CDH18: variants seen among roughly 807,000 people sequenced by gnomAD.
CDH18 encodes the protein cadherin 18.
In CDH18, 31 loss-of-function variants were observed where a neutral mutation model predicts 67.9. That is an observed-to-expected ratio of 0.46 (90% CI 0.34 to 0.62). The LOEUF (loss-of-function observed/expected upper bound fraction) is 0.62. CDH18 is among the 20% of genes least tolerant of loss of function. CDH18 has a pLI of 0.01. For missense variants in CDH18, 890 were observed against 975.5 expected, an observed-to-expected ratio of 0.91 and a Z score of 1.17; for synonymous variants, 362 against 347.2, an observed-to-expected ratio of 1.04 and a Z score of -0.48.
intron 2 of CDH18, among the ~76,000 whole-genome samples, chr5:19,924,633 A>G (rs1019540670): frequency 2.0e-5 from 3 of 152,032 alleles, no homozygotes; most frequent in African/African-American, 7.2e-5. Context: ...CTCAAAACTA[A>G]CAAACAAACA....
intron 2 of CDH18, among the ~76,000 whole-genome samples, chr5:20,036,710 G>A (rs1319289521): frequency 1.3e-5 from 2 of 152,024 alleles, no homozygotes; most frequent in East Asian, 3.9e-4. Flanking sequence ...ATTGACAGTG[G>A]AGTGTTAAAG....
chr5:20,006,158 C>T (rs1486327027), intron 2 of CDH18, among the ~76,000 whole-genome samples: 1 of 151,686 alleles, frequency 6.6e-6, no homozygotes, highest in Admixed American at 6.6e-5. Flanking sequence ...ACGGCATCAA[C>T]AGATAACAAC....
intron 2 of CDH18, among the ~76,000 whole-genome samples, chr5:20,103,365 T>C (rs1746635715): frequency 6.6e-6 from 1 of 152,132 alleles, no homozygotes. Flanking sequence ...CATTTGAGAT[T>C]GCATTTAAAA....
intron 1 of CDH18, among the ~76,000 whole-genome samples, chr5:20,439,268 A>T (rs1581000193): frequency 6.6e-6 from 1 of 151,680 alleles, no homozygotes; most frequent in African/African-American, 2.4e-5. Flanking sequence ...TTCACACTGA[A>T]TAGAAAAAAC....
intron 1 of CDH18, among the ~76,000 whole-genome samples, chr5:20,397,531 C>G (rs1240618224): frequency 2.0e-5 from 3 of 152,060 alleles, no homozygotes; most frequent in Non-Finnish European, 4.4e-5. Flanking sequence ...TTCTTATAAA[C>G]GTCTAGTCCT....
At chr5:20,107,646 G>C (rs1370120892) in intron 2 of CDH18, among the ~76,000 whole-genome samples, 1 of 152,120 alleles carries the variant, frequency 6.6e-6, no homozygotes. Flanking sequence ...AGTTGGCAAG[G>C]TTGCTTTCTC....
intron 2 of CDH18, among the ~76,000 whole-genome samples, chr5:20,033,049 T>C (rs963884529): frequency 6.6e-6 from 1 of 151,974 alleles, no homozygotes; most frequent in Non-Finnish European, 1.5e-5. Context: ...TCCCAATATT[T>C]TCCTTGCATG....
At chr5:20,558,377 T>A (rs1362993013) in intron 1 of CDH18, among the ~76,000 whole-genome samples, 2 of 151,466 alleles carry the variant, frequency 1.3e-5, no homozygotes, top group Non-Finnish European at 1.5e-5. Context: ...AGGGGAGGAG[T>A]ATAAAAAAGG....
intron 5 of CDH18, among the ~76,000 whole-genome samples, chr5:19,653,096 T>G (rs1171083096): frequency 1.3e-5 from 2 of 152,038 alleles, no homozygotes; most frequent in Non-Finnish European, 2.9e-5. Flanking sequence ...TCTCTTAGTT[T>G]TTTAGATACC....
chr5:19,601,390 C>G (rs1747098863), intron 6 of CDH18, among the ~76,000 whole-genome samples: 1 of 151,996 alleles, frequency 6.6e-6, no homozygotes, highest in African/African-American at 2.4e-5. Context: ...ATATGACTTA[C>G]CATGACAAAA....
At chr5:19,866,539 A>T (rs562825795) in intron 2 of CDH18, among the ~76,000 whole-genome samples, 63 of 152,312 alleles carry the variant, frequency 4.1e-4, no homozygotes, top group Non-Finnish European at 6.3e-4. Flanking sequence ...AGGCGTGGCG[A>T]ACCTATCTGG....
intron 2 of CDH18, among the ~76,000 whole-genome samples, chr5:19,963,840 T>C (rs920973164): frequency 1.3e-5 from 2 of 152,004 alleles, no homozygotes; most frequent in Admixed American, 1.3e-4. Flanking sequence ...ACAATCATGA[T>C]GGAGGGAGAA....
chr5:20,470,941 C>T lies in CDH18; in HGVS notation c.-580+104521G>A, dbSNP rs149559940. 2.2e-4 allele frequency among the ~76,000 whole-genome samples: 33 copies of T among 152,316 alleles called. 1 individual carries two copies. The highest frequency in any genetic ancestry group is 3.7e-4 in the Non-Finnish European group (25 of 68,036). On this transcript the variant is annotated intron_variant, in intron 1 of 14. Coordinates refer to the CDH18 transcript ENST00000507958. ...TCTCTACGAGATCGTTCCTATCATA[C>T]TGTTATTTCTGAAATATAATCTCCC... is the stretch of plus-strand genomic sequence containing the variant.
At chr5:20,439,039 AT>A (rs1249227146) in intron 1 of CDH18, among the ~76,000 whole-genome samples, 2 of 151,530 alleles carry the variant, frequency 1.3e-5, no homozygotes, top group Non-Finnish European at 3.0e-5. Context: ...TGATTGCGTC[AT>A]TTTTTAACTT....
chr5:19,509,121 G>C (rs757285865), intron 10 of CDH18, among the ~76,000 whole-genome samples: 2 of 151,896 alleles, frequency 1.3e-5, no homozygotes, highest in Non-Finnish European at 2.9e-5. Context: ...TGCCCTCCTT[G>C]GCCTCCCAAA....
At position 20,371,449 on chromosome 5, in the gene CDH18, T is replaced by C. The variant is rs1742990386; in HGVS notation, c.-579-115944A>G. On this transcript the variant is annotated intron_variant, in intron 1 of 14. Coordinates refer to the CDH18 transcript ENST00000507958. ...AATATGGAACAATGGGAGACTTTCT[T>C]TGGATTTGGCAAGATGGAACATGAC... Among the ~76,000 whole-genome samples the C allele has an allele frequency of 2.6e-5, 4 of 152,142 alleles. No individual in the cohort carries two copies. The South Asian group carries it at 8.3e-4, about 31-fold the overall frequency.
At chr5:19,768,694 A>AT (rs1773380685) in intron 3 of CDH18, among the ~76,000 whole-genome samples, 1 of 152,132 alleles carries the variant, frequency 6.6e-6, no homozygotes, top group South Asian at 2.1e-4. Flanking sequence ...AGAAATAAAG[A>AT]TTTTACAAAA....
chr5:20,489,756 C>A (rs1384403124), intron 1 of CDH18, among the ~76,000 whole-genome samples: 1 of 151,788 alleles, frequency 6.6e-6, no homozygotes, highest in Non-Finnish European at 1.5e-5. Flanking sequence ...AATTTCATGG[C>A]AATTGTTTTC....
chr5:20,037,439 T>C (rs187128726), intron 2 of CDH18, among the ~76,000 whole-genome samples: 14 of 152,092 alleles, frequency 9.2e-5, no homozygotes, highest in Admixed American at 5.2e-4. Flanking sequence ...TATTCTAAAA[T>C]TGACCACACA....
Sources: allele counts gnomAD v4.1 joint callset (sites outside exome capture counted in the v4.1 genomes callset), GRCh38; gene constraint gnomAD v4.1.1; transcripts MANE v1.5; gene names NCBI Gene and HGNC (gene_info 2026-07-23, HGNC 2026-07-21).